The following RAB11FIP4 variants were observed in gnomAD, a reference collection of about 807,000 sequenced individuals.
RAB11FIP4 encodes rab11 family-interacting protein 4.
Under a neutral mutation model 74.3 loss-of-function variants are expected in RAB11FIP4, and 23 were observed. The observed-to-expected ratio is 0.31, with a 90% CI of 0.22 to 0.44. The LOEUF (loss-of-function observed/expected upper bound fraction) is 0.44, where lower values mean the gene tolerates loss of function less well. Among genes scored for constraint, RAB11FIP4 ranks in the 20% least tolerant of loss-of-function variants. The pLI is 1.00. For synonymous variants in RAB11FIP4, 360 were observed against 359.9 expected, an observed-to-expected ratio of 1.00 and a Z score of 0.00; for missense variants, 630 against 863.9, an observed-to-expected ratio of 0.73 and a Z score of 3.39.
chr17:31,450,219 G>A (rs1229911303), intron 3 of RAB11FIP4, among the ~76,000 whole-genome samples: 2 of 151,866 alleles, frequency 1.3e-5, no homozygotes, highest in African/African-American at 4.8e-5. Flanking sequence ...GCAGGGCCTG[G>A]CACAGCCAAC....
intron 3 of RAB11FIP4, among the ~76,000 whole-genome samples, chr17:31,490,323 C>T (rs1314719848): frequency 2.0e-5 from 3 of 152,142 alleles, no homozygotes; most frequent in Non-Finnish European, 4.4e-5. Context: ...TGGCAGTCCC[C>T]GATCTGGGCA....
rs1270125057 is a variant in RAB11FIP4, at chr17:31,530,488, C to T, written c.1797+19C>T. 6.2e-7 allele frequency: 1 copy of T among 1,604,844 alleles called. No individual in the cohort carries two copies. Among genetic ancestry groups the T allele is most frequent in the Non-Finnish European group, 8.5e-7 (1 of 1,172,968 alleles). On this transcript the variant is annotated intron_variant, in intron 14 of 14. Transcript: ENST00000621161. ...CGATGAGGTAACCACACCACCGGCT[C>T]TTGCTTTGGGGCCTGGCCGCCCTCT... is the stretch of plus-strand genomic sequence containing the variant.
chr17:31,449,768 C>T (rs2071507495), intron 3 of RAB11FIP4, among the ~76,000 whole-genome samples: 1 of 152,278 alleles, frequency 6.6e-6, no homozygotes, highest in South Asian at 2.1e-4. Flanking sequence ...TGCAGTAGTG[C>T]AGTCCTAGTT....
intron 1 of RAB11FIP4, among the ~76,000 whole-genome samples, chr17:31,397,635 A>G (rs569661304): frequency 3.3e-5 from 5 of 152,264 alleles, no homozygotes; most frequent in African/African-American, 9.6e-5. Flanking sequence ...TCTCTTTCCT[A>G]TGCTTCTGGG....
rs2072892038 is a variant in RAB11FIP4 at position 31,532,702 on chromosome 17, T to C, written c.*970T>C. On this transcript the variant is annotated 3_prime_UTR_variant, in exon 15 of 15. Coordinates refer to ENST00000621161, the MANE Select transcript of RAB11FIP4 (RefSeq NM_032932.6). ...TGTCTTCATTCTCCACGCAGCCTGGTGATGGCAGGCCTGGGTTTGGATTTC... is the reference window on the plus strand; with the variant it reads ...TGTCTTCATTCTCCACGCAGCCTGGCGATGGCAGGCCTGGGTTTGGATTTC... 6.6e-6 allele frequency: 1 copy of C among 152,178 alleles called. No individual in the cohort carries two copies. The highest frequency in any genetic ancestry group is 2.4e-5 in the African/African-American group (1 of 41,450). 9.4% of individuals were successfully genotyped at this position (152,178 alleles called of 1,614,324 possible).
At chr17:31,438,103 T>G (rs964969221) in intron 3 of RAB11FIP4, among the ~76,000 whole-genome samples, 1 of 152,210 alleles carries the variant, frequency 6.6e-6, no homozygotes, top group South Asian at 2.1e-4. Context: ...CCTGGGTCCA[T>G]GCATGGGGTC....
intron 13 of RAB11FIP4, 126 bp downstream of exon 13, chr17:31,528,904 A>G: frequency 8.9e-7 from 1 of 1,120,498 alleles, no homozygotes; most frequent in Non-Finnish European, 1.2e-6. Context: ...CTTCTCAGCA[A>G]CCTGTTTGCC....
In RAB11FIP4 at chr17:31,531,872, T is replaced by C. The variant is rs1233528912; in HGVS notation, c.*140T>C. 3 of 669,212 alleles carry C rather than the reference T, an allele frequency of 4.5e-6. No individual in the cohort carries two copies. Among genetic ancestry groups the C allele is most frequent in the Non-Finnish European group, 8.0e-6 (3 of 376,144 alleles). The allele number at this position is 669,212 out of a possible 1,614,324, so 41.5% of individuals were successfully genotyped here. ...ACCATGCGTTACGTGTACCCGTGTA[T>C]ATGTGGGGAGGCTGTGCACACGAGC... On this transcript the variant is annotated 3_prime_UTR_variant, in exon 15 of 15. Transcript: ENST00000621161.
chr17:31,435,910 C>T (rs2071352718), intron 3 of RAB11FIP4, among the ~76,000 whole-genome samples: 1 of 152,232 alleles, frequency 6.6e-6, no homozygotes, highest in South Asian at 2.1e-4. Context: ...GCCCCAGGCC[C>T]ATGCCCATGC....
At chr17:31,516,291 C>G (rs2072544743) in intron 3 of RAB11FIP4, among the ~76,000 whole-genome samples, 2 of 151,130 alleles carry the variant, frequency 1.3e-5, no homozygotes, top group Admixed American at 1.3e-4. Context: ...AAAAGCTGTT[C>G]AGTGTGACTG....
chr17:31,408,035 C>G (rs535723714), intron 1 of RAB11FIP4, among the ~76,000 whole-genome samples: 5 of 152,272 alleles, frequency 3.3e-5, no homozygotes, highest in South Asian at 2.1e-4. Flanking sequence ...CTTCCACCCC[C>G]CTTTTCTGAG....
At chr17:31,518,246 A>G (rs2072596539) in intron 4 of RAB11FIP4, among the ~76,000 whole-genome samples, 1 of 151,446 alleles carries the variant, frequency 6.6e-6, no homozygotes, top group African/African-American at 2.4e-5. Flanking sequence ...TAACCCCAGG[A>G]CTTTGGGAGG....
chr17:31,524,760 C>T (rs1305878311), intron 9 of RAB11FIP4: 4 of 361,074 alleles, frequency 1.1e-5, no homozygotes, highest in African/African-American at 4.2e-5. Context: ...GAGGGGTGGC[C>T]GGGAAGGAAC....
intron 1 of RAB11FIP4, among the ~76,000 whole-genome samples, chr17:31,394,727 C>T (rs1228084401): frequency 3.3e-5 from 5 of 152,120 alleles, no homozygotes; most frequent in Non-Finnish European, 5.9e-5. Context: ...AGAAGCAGTG[C>T]TTGGTGTGTC....
intron 3 of RAB11FIP4, 37 bp from the exon 4 acceptor site, chr17:31,517,614 G>A: frequency 6.4e-7 from 1 of 1,551,538 alleles, no homozygotes; most frequent in Non-Finnish European, 8.8e-7. Flanking sequence ...CTGGGAAGCT[G>A]GCCTCACTTA....
intron 3 of RAB11FIP4, among the ~76,000 whole-genome samples, chr17:31,444,185 A>G (rs569360859): frequency 6.6e-6 from 1 of 152,282 alleles, no homozygotes; most frequent in Non-Finnish European, 1.5e-5. Flanking sequence ...TATAAGTTCT[A>G]AAAATACTTT....
intron 3 of RAB11FIP4, among the ~76,000 whole-genome samples, chr17:31,464,823 C>T (rs375833826): frequency 2.7e-3 from 351 of 129,458 alleles, no homozygotes; most frequent in African/African-American, 9.1e-3. Context: ...TGCAGTGGCA[C>T]GATCTTGGCT....
At chr17:31,434,877 C>G (rs2071343813) in intron 3 of RAB11FIP4, among the ~76,000 whole-genome samples, 1 of 152,234 alleles carries the variant, frequency 6.6e-6, no homozygotes, top group Non-Finnish European at 1.5e-5. Context: ...CCCGGGCTCT[C>G]TGCATCTCAT....
chr17:31,510,702 C>G (rs1173841428), intron 3 of RAB11FIP4, among the ~76,000 whole-genome samples: 1 of 152,178 alleles, frequency 6.6e-6, no homozygotes, highest in Non-Finnish European at 1.5e-5. Context: ...GGAGGGCAGG[C>G]TCTGGAACCT....
Sources: allele counts gnomAD v4.1 joint callset (sites outside exome capture counted in the v4.1 genomes callset), GRCh38; gene constraint gnomAD v4.1.1; transcripts MANE v1.5; gene names NCBI Gene and HGNC (gene_info 2026-07-23, HGNC 2026-07-21).